RIT2: variants seen among roughly 807,000 people sequenced by gnomAD.
The protein encoded by RIT2 is GTP-binding protein Rit2.
In RIT2, 24 loss-of-function variants were observed where a neutral mutation model predicts 23.7. That is an observed-to-expected ratio of 1.01 (90% CI 0.73 to 1.43). The LOEUF is 1.43. RIT2 is among the 40% of genes most tolerant of loss of function. RIT2 has a pLI of 0.00. For synonymous variants in RIT2, 107 were observed against 91.1 expected (o/e 1.17, Z -0.99); for missense variants, 236 against 266.9 (o/e 0.88, Z 0.81).
rs142911081 is a variant in RIT2, at chr18:43,115,473, C to G, written c.47G>C (p.Gly16Ala). The G allele has an allele frequency of 5.3e-5, 86 of 1,613,644 alleles. 1 individual carries two copies. In the Middle Eastern group the frequency reaches 3.0e-3, roughly 56 times the overall value. Residue 16 changes from glycine (G) to alanine (A), a missense_variant, in exon 1 of 5, where the codon GGC becomes GCC. By Grantham distance (60) the Gly-to-Ala change is moderately conservative. Transcript: ENST00000326695. ...TACCACCTTGTACTCTCTGGACCCG[C>G]CTGATGCGCTGCCCGGGGAGCAGCT... ...EASCSPGSAS[G>A]GSREYKVVML...
chr18:43,081,450 T>C (rs943697534), intron 1 of RIT2, among the ~76,000 whole-genome samples: 31 of 152,170 alleles, frequency 2.0e-4, no homozygotes, highest in Admixed American at 2.0e-3. Context: ...TGTTTCTCTG[T>C]ATTGGAGAGA....
At chr18:42,852,574 TC>T (rs1414194474) in intron 4 of RIT2, among the ~76,000 whole-genome samples, 2 of 151,978 alleles carry the variant, frequency 1.3e-5, no homozygotes, top group African/African-American at 4.8e-5. Flanking sequence ...GGGAGTAGAG[TC>T]AAAACTAAAT....
At chr18:42,921,281 A>T (rs1909050008) in intron 4 of RIT2, among the ~76,000 whole-genome samples, 1 of 152,168 alleles carries the variant, frequency 6.6e-6, no homozygotes, top group Non-Finnish European at 1.5e-5. Flanking sequence ...TGGTACACAA[A>T]CATTTTTGCA....
At chr18:42,772,066 A>T (rs139896864) in intron 4 of RIT2, among the ~76,000 whole-genome samples, 1 of 152,162 alleles carries the variant, frequency 6.6e-6, no homozygotes, top group African/African-American at 2.4e-5. Flanking sequence ...AATTAGAGAC[A>T]AATATAAGTG....
intron 3 of RIT2, among the ~76,000 whole-genome samples, chr18:42,953,938 T>A (rs1909912476): frequency 2.0e-5 from 3 of 152,136 alleles, no homozygotes; most frequent in African/African-American, 7.2e-5. Flanking sequence ...CTATTTCTCA[T>A]CTAAAACTTG....
chr18:42,947,420 A>G (rs925311082), intron 3 of RIT2, among the ~76,000 whole-genome samples: 10 of 152,218 alleles, frequency 6.6e-5, no homozygotes, highest in African/African-American at 1.2e-4. Flanking sequence ...TTCATTGCCC[A>G]TGGCTGAACA....
chr18:42,925,892 T>G (rs1034806974), intron 3 of RIT2, among the ~76,000 whole-genome samples: 1 of 151,768 alleles, frequency 6.6e-6, no homozygotes, highest in African/African-American at 2.4e-5. Flanking sequence ...TAAGTATATA[T>G]AAATATTGCT....
chr18:43,077,102 CAA>C (rs34419558), intron 1 of RIT2, among the ~76,000 whole-genome samples: 10,203 of 79,660 alleles, frequency 0.13, 216 homozygotes, highest in Non-Finnish European at 0.14. Flanking sequence ...GACTCCGTCT[CAA>C]AAAAAAAAAA....
intron 2 of RIT2, among the ~76,000 whole-genome samples, chr18:43,032,903 A>G (rs1282076283): frequency 2.0e-5 from 3 of 152,118 alleles, no homozygotes; most frequent in African/African-American, 7.2e-5. Context: ...CTTGATAAGC[A>G]TAATAGAAAC....
At chr18:43,088,915 T>C (rs1913352096) in intron 1 of RIT2, among the ~76,000 whole-genome samples, 1 of 152,176 alleles carries the variant, frequency 6.6e-6, no homozygotes, top group South Asian at 2.1e-4. Flanking sequence ...GGCAAAGTTT[T>C]TATCATTGAT....
intron 4 of RIT2, among the ~76,000 whole-genome samples, chr18:42,814,316 G>A (rs984982914): frequency 3.3e-5 from 5 of 152,162 alleles, no homozygotes; most frequent in African/African-American, 9.7e-5. Flanking sequence ...GGCAAGCAGC[G>A]TGGGACAAGT....
At chr18:42,896,618 A>C (rs1598704957) in intron 4 of RIT2, among the ~76,000 whole-genome samples, 1 of 152,314 alleles carries the variant, frequency 6.6e-6, no homozygotes, top group South Asian at 2.1e-4. Flanking sequence ...CTTATAGCTA[A>C]GATTCTGCAT....
At chr18:42,767,797 C>T (rs1913460033) in intron 4 of RIT2, among the ~76,000 whole-genome samples, 1 of 152,122 alleles carries the variant, frequency 6.6e-6, no homozygotes, top group Non-Finnish European at 1.5e-5. Flanking sequence ...CTTTCCCGTG[C>T]TATTCTTCTG....
rs1045375646 is a variant in RIT2 at position 42,811,417 on chromosome 18, T to C, written c.427-67697A>G. The stretch of plus-strand genomic sequence containing the variant: ...AACAAAGGACTACACTAGTGTTGAA[T>C]GGTTTTACAAATGACCAAGATGAGA... On this transcript the variant is annotated intron_variant, in intron 4 of 4. Transcript: ENST00000326695. 1.2e-3 allele frequency among the ~76,000 whole-genome samples: 177 copies of C among 152,046 alleles called. 1 individual carries two copies. The highest frequency in any genetic ancestry group is 5.9e-4 in the Non-Finnish European group (40 of 67,926).
At chr18:42,942,455 C>T (rs1271796325) in intron 3 of RIT2, among the ~76,000 whole-genome samples, 3 of 152,134 alleles carry the variant, frequency 2.0e-5, no homozygotes, top group African/African-American at 7.2e-5. Context: ...CTGTCTTCCT[C>T]TTCCTTTAAC....
chr18:43,002,724 A>T (rs1911136083), intron 2 of RIT2, among the ~76,000 whole-genome samples: 1 of 151,968 alleles, frequency 6.6e-6, no homozygotes, highest in Non-Finnish European at 1.5e-5. Flanking sequence ...CTGTTGTCGG[A>T]GGAATACTGC....
At chr18:42,838,456 T>G (rs1037868575) in intron 4 of RIT2, among the ~76,000 whole-genome samples, 1 of 152,174 alleles carries the variant, frequency 6.6e-6, no homozygotes, top group African/African-American at 2.4e-5. Flanking sequence ...ACTATTATTA[T>G]TAGTGTATGC....
At chr18:42,890,579 G>A (rs1401655260) in intron 4 of RIT2, among the ~76,000 whole-genome samples, 1 of 151,720 alleles carries the variant, frequency 6.6e-6, no homozygotes. Context: ...AAGAGAGAGA[G>A]AGAGAAGGAG....
At chr18:42,915,076 C>T (rs1267171859) in intron 4 of RIT2, among the ~76,000 whole-genome samples, 1 of 151,578 alleles carries the variant, frequency 6.6e-6, no homozygotes, top group East Asian at 1.9e-4. Flanking sequence ...GTAGTTCAAT[C>T]TATGGATATC....
Sources: allele counts gnomAD v4.1 joint callset (sites outside exome capture counted in the v4.1 genomes callset), GRCh38; gene constraint gnomAD v4.1.1; transcripts MANE v1.5; gene names NCBI Gene and HGNC (gene_info 2026-07-23, HGNC 2026-07-21).